HYDIN: variants seen among roughly 807,000 people sequenced by gnomAD.
HYDIN encodes HYDIN axonemal central pair apparatus protein.
Under a neutral mutation model 403.9 loss-of-function variants are expected in HYDIN, and 132 were observed. The ratio of observed to expected loss-of-function variants is 0.33; its 90% CI spans 0.28 to 0.38. The LOEUF is 0.38. Among genes scored for constraint, HYDIN ranks in the 10% least tolerant of loss-of-function variants. The probability of loss-of-function intolerance (pLI) is 1.00; values close to 1 mark genes in which losing one functional copy is unlikely to be tolerated. For missense variants in HYDIN, 2,827 were observed against 5,009.5 expected, an observed-to-expected ratio of 0.56 and a Z score of 13.15; for synonymous variants, 1,202 against 1,891.7, an observed-to-expected ratio of 0.64 and a Z score of 9.46.
intron 54 of HYDIN, among the ~76,000 whole-genome samples, chr16:70,894,876 G>A (rs1480547475): frequency 6.7e-6 from 1 of 150,362 alleles, no homozygotes; most frequent in Non-Finnish European, 1.5e-5. Context: ...TATTTATGTT[G>A]TTTTACTTAG....
intron 50 of HYDIN, among the ~76,000 whole-genome samples, chr16:70,907,036 A>G (rs1271191363): frequency 6.6e-6 from 1 of 152,054 alleles, no homozygotes; most frequent in Non-Finnish European, 1.5e-5. Flanking sequence ...TCCTTTGAGA[A>G]CCAAAGCTGT....
intron 10 of HYDIN, among the ~76,000 whole-genome samples, chr16:71,099,887 C>T (rs561174834): frequency 2.6e-5 from 4 of 152,152 alleles, no homozygotes; most frequent in Non-Finnish European, 2.9e-5. Flanking sequence ...CCTGTAGTCC[C>T]AGCTATTTGG....
chr16:70,995,810 C>T (rs1533199), intron 23 of HYDIN, among the ~76,000 whole-genome samples: 6 of 152,098 alleles, frequency 3.9e-5, no homozygotes, highest in African/African-American at 1.4e-4. Flanking sequence ...CTTCTGGGAG[C>T]GTCCACTACA....
chr16:71,183,805 T>A (rs897464499), intron 3 of HYDIN, among the ~76,000 whole-genome samples: 31 of 152,038 alleles, frequency 2.0e-4, no homozygotes, highest in Admixed American at 7.9e-4. Context: ...AGCATATAAA[T>A]TAAAAATAAC....
At chr16:71,059,313 T>C (rs2082005464) in intron 18 of HYDIN, among the ~76,000 whole-genome samples, 1 of 152,056 alleles carries the variant, frequency 6.6e-6, no homozygotes, top group Non-Finnish European at 1.5e-5. Context: ...ATCTTATTTT[T>C]GCATATGGTG....
At chr16:71,030,335 G>A (rs1485921862) in intron 19 of HYDIN, among the ~76,000 whole-genome samples, 4 of 151,668 alleles carry the variant, frequency 2.6e-5, no homozygotes, top group Non-Finnish European at 5.9e-5. Flanking sequence ...GGGATCATAG[G>A]CATAAACCAC....
intron 45 of HYDIN, among the ~76,000 whole-genome samples, chr16:70,921,973 C>G (rs2077008401): frequency 6.6e-6 from 1 of 152,156 alleles, no homozygotes; most frequent in African/African-American, 2.4e-5. Flanking sequence ...GGGTAGGCTC[C>G]ATCGTTTTTT....
At chr16:70,820,727 C>A (rs2143467379) in intron 83 of HYDIN, among the ~76,000 whole-genome samples, 1 of 151,244 alleles carries the variant, frequency 6.6e-6, no homozygotes, top group South Asian at 2.1e-4. Context: ...CAGCTCACTG[C>A]AACCTCCACC....
intron 38 of HYDIN, among the ~76,000 whole-genome samples, chr16:70,960,884 G>A (rs1465274607): frequency 6.6e-6 from 1 of 152,076 alleles, no homozygotes. Flanking sequence ...GTACAGACAG[G>A]GTTTCATCGT....
intron 43 of HYDIN, 101 bp from the exon 44 acceptor site, chr16:70,938,856 C>T (rs1354044465): frequency 3.3e-5 from 38 of 1,148,566 alleles, no homozygotes; most frequent in East Asian, 2.5e-4. Context: ...GCAGCTGGTA[C>T]GGCGCCTGGT....
chr16:71,070,485 C>T lies in HYDIN; in HGVS notation c.1739-983G>A, dbSNP rs921957674. Among the ~76,000 whole-genome samples, 457 of 147,804 alleles carry T rather than the reference C, an allele frequency of 3.1e-3. 4 individuals carry two copies. The highest frequency in any genetic ancestry group is 4.4e-3 in the Non-Finnish European group (297 of 67,584). On this transcript the variant is annotated intron_variant, in intron 13 of 85. Coordinates refer to ENST00000393567, the MANE Select transcript of HYDIN (RefSeq NM_001270974.2). ...AGGTGTGCGCCACCATGCACCACCA[C>T]GCCCATCCAATTTTTGTATTTTTAG...
chr16:71,021,739 G>C (rs1311109988), intron 21 of HYDIN, among the ~76,000 whole-genome samples: 1 of 152,158 alleles, frequency 6.6e-6, no homozygotes, highest in South Asian at 2.1e-4. Context: ...GACAACTCTA[G>C]TCTGTCTTTC....
At chr16:70,994,259 A>T (rs1807592162) in intron 23 of HYDIN, among the ~76,000 whole-genome samples, 1 of 105,874 alleles carries the variant, frequency 9.4e-6, no homozygotes, top group Admixed American at 1.1e-4. Flanking sequence ...GAATGAATGG[A>T]TGGATGCATG....
At chr16:71,187,514 C>T (rs1320448580) in intron 1 of HYDIN, among the ~76,000 whole-genome samples, 4 of 152,152 alleles carry the variant, frequency 2.6e-5, no homozygotes, top group Admixed American at 2.6e-4. Context: ...ACACTTGCAA[C>T]TTCAGAAAAC....
intron 23 of HYDIN, among the ~76,000 whole-genome samples, chr16:71,010,645 C>T (rs991010622): frequency 2.0e-5 from 3 of 152,152 alleles, no homozygotes; most frequent in Admixed American, 1.3e-4. Flanking sequence ...AGCAGGGTCA[C>T]ATGGGGCAGG....
intron 11 of HYDIN, among the ~76,000 whole-genome samples, chr16:71,092,960 T>C (rs1457470355): frequency 2.1e-5 from 3 of 145,658 alleles, no homozygotes; most frequent in South Asian, 4.5e-4. Flanking sequence ...TACTACACGA[T>C]CCACATTTCT....
intron 18 of HYDIN, among the ~76,000 whole-genome samples, chr16:71,035,498 CTT>C (rs1433907949): frequency 7.6e-6 from 1 of 131,066 alleles, no homozygotes; most frequent in Non-Finnish European, 1.7e-5. Context: ...AGATAGGAAT[CTT>C]TGACTTTTAT....
intron 50 of HYDIN, among the ~76,000 whole-genome samples, chr16:70,905,954 G>A (rs1477022473): frequency 3.3e-5 from 5 of 151,614 alleles, no homozygotes; most frequent in African/African-American, 1.2e-4. Context: ...TTTTAATCCA[G>A]CATCTCAGGG....
rs147008147 is a variant in HYDIN at position 71,177,604 on chromosome 16, T to C, written c.381+1324A>G. Among the ~76,000 whole-genome samples the C allele has an allele frequency of 3.0e-3, 456 of 152,348 alleles. 2 individuals carry two copies. The highest frequency in any genetic ancestry group is 0.01 in the African/African-American group (431 of 41,582). ...CCTTAATGAGCTGCTGTACCAAATA[T>C]AACTGCAAGTCCATTTGCTTTGGAT... On this transcript the variant is annotated intron_variant, in intron 4 of 85. Transcript: ENST00000393567.
Sources: allele counts gnomAD v4.1 joint callset (sites outside exome capture counted in the v4.1 genomes callset), GRCh38; gene constraint gnomAD v4.1.1; transcripts MANE v1.5; gene names NCBI Gene and HGNC (gene_info 2026-07-23, HGNC 2026-07-21).